Variants in GPATCH8 observed in about 807,000 individuals in gnomAD.
GPATCH8 encodes G patch domain-containing protein 8.
A neutral mutation model predicts 118.3 loss-of-function variants in GPATCH8; 18 were observed. That is an observed-to-expected ratio of 0.15 (90% CI 0.11 to 0.23). The LOEUF is 0.23. GPATCH8 is among the 10% of genes least tolerant of loss of function. The pLI is 1.00. For missense variants in GPATCH8, 1,631 were observed against 1,873.8 expected, an observed-to-expected ratio of 0.87 and a Z score of 2.39; for synonymous variants, 659 against 684.7, an observed-to-expected ratio of 0.96 and a Z score of 0.59.
intron 3 of GPATCH8, among the ~76,000 whole-genome samples, chr17:44,442,563 C>T (rs2050739284): frequency 6.6e-6 from 1 of 152,164 alleles, no homozygotes; most frequent in Non-Finnish European, 1.5e-5. Flanking sequence ...CTTCCAGGCT[C>T]AAGCAATTCT....
At chr17:44,485,279 T>C (rs1042853645) in intron 1 of GPATCH8, among the ~76,000 whole-genome samples, 1 of 152,146 alleles carries the variant, frequency 6.6e-6, no homozygotes, top group African/African-American at 2.4e-5. Context: ...AATGTTTTCA[T>C]TTAAAAATTT....
At chr17:44,472,810 A>G (rs1050593823) in intron 2 of GPATCH8, among the ~76,000 whole-genome samples, 1 of 151,278 alleles carries the variant, frequency 6.6e-6, no homozygotes, top group Admixed American at 6.6e-5. Context: ...ATTCTCCTGC[A>G]TCAGCCTCCC....
Position 44,398,425 on chromosome 17 carries a change from C to T in GPATCH8, c.3652G>A (p.Asp1218Asn), listed in dbSNP as rs987697969. The change falls in exon 8 of 8, where the codon GAT becomes AAT. Residue 1218 changes from aspartate to asparagine, a missense_variant. Coordinates refer to ENST00000591680, the MANE Select transcript of GPATCH8 (RefSeq NM_001002909.4). ...EESKSGEATA[D>N]HPVAPLGTPA... ...GTGCCTAGTGGAGCCACAGGGTGAT[C>T]AGCAGTAGCTTCTCCAGACTTTGAC... The T allele has an allele frequency of 4.3e-6, 7 of 1,613,812 alleles. No homozygotes were observed. The highest frequency in any genetic ancestry group is 2.2e-5 in the East Asian group (1 of 44,868).
chr17:44,463,770 A>G (rs896661607), intron 3 of GPATCH8, among the ~76,000 whole-genome samples: 1 of 152,272 alleles, frequency 6.6e-6, no homozygotes, highest in African/African-American at 2.4e-5. Context: ...AAGAGAACGC[A>G]GTTGGTTGGT....
chr17:44,407,157 G>C (rs920925118), intron 6 of GPATCH8: 1 of 151,908 alleles, frequency 6.6e-6, no homozygotes, highest in African/African-American at 2.4e-5. Context: ...GAGGGGGGAA[G>C]GGTAAAAAGA....
At chr17:44,437,343 A>G (rs2050547225) in intron 3 of GPATCH8, among the ~76,000 whole-genome samples, 1 of 152,154 alleles carries the variant, frequency 6.6e-6, no homozygotes, top group Admixed American at 6.6e-5. Flanking sequence ...ATCCACTCAT[A>G]ACCAGCCAAA....
intron 3 of GPATCH8, among the ~76,000 whole-genome samples, chr17:44,455,053 A>G (rs1296984358): frequency 1.3e-5 from 2 of 152,064 alleles, no homozygotes; most frequent in African/African-American, 2.4e-5. Context: ...GATTTGGGGG[A>G]GCTACATATT....
Position 44,490,865 on chromosome 17 carries a change from A to G in GPATCH8, c.45+12461T>C, listed in dbSNP as rs940294077. Among the ~76,000 whole-genome samples the G allele has an allele frequency of 5.3e-5, 8 of 152,194 alleles. No homozygotes were observed. In the South Asian group the frequency reaches 1.0e-3, roughly 20 times the overall value. ...GGATTCTACTTCCAAACACAGGACA[A>G]ATGTGGAAACTTCTCTCTTACAAAT... On this transcript the variant is annotated intron_variant, in intron 1 of 7. Transcript: ENST00000591680.
At chr17:44,486,963 T>C (rs576560727) in intron 1 of GPATCH8, 1 of 152,344 alleles carries the variant, frequency 6.6e-6, no homozygotes, top group Admixed American at 6.5e-5. Flanking sequence ...TGCACATTTA[T>C]TATAATACAT....
At chr17:44,481,380 T>C (rs907990167) in intron 1 of GPATCH8, among the ~76,000 whole-genome samples, 1 of 152,198 alleles carries the variant, frequency 6.6e-6, no homozygotes, top group Non-Finnish European at 1.5e-5. Flanking sequence ...CAATGAGATA[T>C]TACTTGGCAC....
intron 5 of GPATCH8, among the ~76,000 whole-genome samples, chr17:44,433,849 A>G (rs1406873201): frequency 6.6e-6 from 1 of 152,188 alleles, no homozygotes. Context: ...TTTAAAGAAG[A>G]AAGAGTATGC....
chr17:44,430,645 ATT>A (rs375784095), intron 5 of GPATCH8, among the ~76,000 whole-genome samples: 1 of 147,326 alleles, frequency 6.8e-6, no homozygotes, highest in South Asian at 2.1e-4. Flanking sequence ...TCACTGTTGC[ATT>A]TTTTTTTTTG....
chr17:44,482,715 AT>A (rs759395943), intron 1 of GPATCH8, among the ~76,000 whole-genome samples: 26 of 152,254 alleles, frequency 1.7e-4, no homozygotes, highest in Non-Finnish European at 2.5e-4. Context: ...ATTAAAAAAA[AT>A]ATATTTCTAT....
At chr17:44,408,267 C>T (rs1241019284) in intron 6 of GPATCH8, among the ~76,000 whole-genome samples, 1 of 151,740 alleles carries the variant, frequency 6.6e-6, no homozygotes, top group Non-Finnish European at 1.5e-5. Flanking sequence ...CTCACTGCAA[C>T]CTCTGCCTCC....
chr17:44,420,976 C>T (rs867069254), intron 6 of GPATCH8, among the ~76,000 whole-genome samples: 8 of 152,018 alleles, frequency 5.3e-5, no homozygotes, highest in South Asian at 2.1e-4. Context: ...TCTCCTGCCT[C>T]GAGCAGCTGG....
chr17:44,446,139 G>A (rs1036385682), intron 3 of GPATCH8, among the ~76,000 whole-genome samples: 2 of 151,596 alleles, frequency 1.3e-5, no homozygotes, highest in Non-Finnish European at 2.9e-5. Flanking sequence ...TTGTAGAGAT[G>A]GTGTCTCACT....
intron 2 of GPATCH8, among the ~76,000 whole-genome samples, chr17:44,474,087 A>G (rs1007558524): frequency 3.3e-5 from 5 of 152,194 alleles, no homozygotes; most frequent in Admixed American, 3.3e-4. Flanking sequence ...TTAAATATGT[A>G]CACTTAAGCA....
intron 3 of GPATCH8, among the ~76,000 whole-genome samples, chr17:44,456,924 C>T (rs906280297): frequency 3.3e-5 from 5 of 151,856 alleles, no homozygotes; most frequent in South Asian, 2.1e-4. Context: ...AGTGCAGTGG[C>T]GCAATCTCGG....
chr17:44,395,569 T>C lies in GPATCH8; in HGVS notation c.*1999A>G. ...TGAAAGCAAAGAAAAATGAGTCCCT[T>C]CACTTACACAGATGATTTCATTTTT... On this transcript the variant is annotated 3_prime_UTR_variant, in exon 8 of 8. Transcript: ENST00000591680. The C allele has an allele frequency of 2.2e-6, 1 of 454,452 alleles. No homozygotes were observed. Among genetic ancestry groups the C allele is most frequent in the Non-Finnish European group, 4.4e-6 (1 of 226,802 alleles). 28.2% of individuals were successfully genotyped at this position (454,452 alleles called of 1,614,324 possible).
Sources: gnomAD v4.1 joint callset for allele counts (sites outside exome capture counted in the v4.1 genomes callset) on GRCh38, gnomAD v4.1.1 for gene constraint, MANE v1.5 for transcripts, NCBI Gene and HGNC (gene_info 2026-07-23, HGNC 2026-07-21) for gene names.